PYROXD1: variants seen among roughly 807,000 people sequenced by gnomAD.
PYROXD1 encodes the protein tRNA ligase complex-associated NAD(P)H dehydrogenase PYROXD1.
Under a neutral mutation model 62.0 loss-of-function variants are expected in PYROXD1, and 42 were observed. That is an observed-to-expected ratio of 0.68 (90% confidence interval 0.53 to 0.88). The LOEUF is 0.88. PYROXD1 is among the 40% of genes least tolerant of loss of function. The pLI, the probability that PYROXD1 is intolerant of heterozygous loss-of-function variation, is 0.00. For missense variants in PYROXD1, 493 were observed against 604.8 expected (o/e 0.82, Z 1.94); for synonymous variants, 170 against 206.4 (o/e 0.82, Z 1.51).
chr12:21,454,244 T>G (rs1942555004), intron 5 of PYROXD1, among the ~76,000 whole-genome samples: 1 of 152,054 alleles, frequency 6.6e-6, no homozygotes, highest in Non-Finnish European at 1.5e-5. Context: ...TAAAGAAATG[T>G]GAAAAATTAA....
chr12:21,438,836 C>T (rs1754467379), intron 1 of PYROXD1, among the ~76,000 whole-genome samples: 1 of 152,050 alleles, frequency 6.6e-6, no homozygotes, highest in African/African-American at 2.4e-5. Context: ...ATATATGATG[C>T]AGGCACCGTA....
At position 21,440,460 on chromosome 12, in the gene PYROXD1, T is replaced by G; in HGVS notation, c.165+12T>G. On this transcript the variant is annotated intron_variant, in intron 2 of 11. Transcript: ENST00000240651. ...CAAATTTCAAGCAGGTAAGAACCTT[T>G]GTATAACTTGTTAATATTAATTTGA... 2 of 1,467,286 alleles carry G rather than the reference T, an allele frequency of 1.4e-6. No homozygotes were observed. The highest frequency in any genetic ancestry group is 1.9e-6 in the Non-Finnish European group (2 of 1,063,564). 90.9% of individuals were successfully genotyped at this position (1,467,286 alleles called of 1,614,324 possible). A position where few individuals can be genotyped will look rare whatever the true frequency, so the allele number is the denominator to read the frequency against.
At chr12:21,461,825 C>T (rs1476585255) in intron 8 of PYROXD1, among the ~76,000 whole-genome samples, 183 bp from the exon 9 acceptor site, 1 of 152,204 alleles carries the variant, frequency 6.6e-6, no homozygotes, top group Non-Finnish European at 1.5e-5. Flanking sequence ...CGAGATGATG[C>T]TAATTGCATT....
rs764180565 is a variant in PYROXD1 at position 21,462,097 on chromosome 12, G to C, written c.970G>C (p.Glu324Gln). Residue 324 changes from glutamate to glutamine, a missense_variant, in exon 9 of 12, where the codon GAA becomes CAA. Physicochemically the swap from Glu to Gln is conservative, Grantham distance 29 (BLOSUM62 2). Coordinates refer to ENST00000240651, the MANE Select transcript of PYROXD1 (RefSeq NM_024854.5). ...VSATGVTPNV[E>Q]PFLHGNSFDL... ...TGCTACAGGAGTTACACCAAATGTA[G>C]AACCTTTTCTCCATGGTAACAGTGT... 1 of 1,610,850 alleles carries C rather than the reference G, an allele frequency of 6.2e-7. No individual in the cohort carries two copies. Among genetic ancestry groups the C allele is most frequent in the South Asian group, 1.1e-5 (1 of 90,890 alleles).
intron 9 of PYROXD1, 75 bp downstream of exon 9, chr12:21,462,195 G>A (rs896887843): frequency 2.5e-6 from 2 of 794,698 alleles, no homozygotes; most frequent in Non-Finnish European, 4.3e-6. Context: ...TCTCAAACAT[G>A]AATAATTATT....
chr12:21,447,981 T>TAAA (rs34838731), intron 3 of PYROXD1: 168 of 274,726 alleles, frequency 6.1e-4, no homozygotes, highest in South Asian at 1.2e-3. Context: ...AGACTCCATC[T>TAAA]AAAAAAAAAA....
intron 3 of PYROXD1, among the ~76,000 whole-genome samples, chr12:21,449,099 G>T (rs1004039551): frequency 6.6e-5 from 10 of 152,056 alleles, no homozygotes; most frequent in Non-Finnish European, 1.5e-4. Flanking sequence ...ATGAAGGTAG[G>T]ATATGGTTAG....
Position 21,437,696 on chromosome 12 carries a change from C to G in PYROXD1, c.-35C>G, listed in dbSNP as rs1350485754. ...GGAGTCCAGAGTCCCGTTGCTCCGC[C>G]GCGATATTCAGTAAACCACTGGGAG... On this transcript the variant is annotated 5_prime_UTR_variant, in exon 1 of 12. Coordinates refer to ENST00000240651, the MANE Select transcript of PYROXD1 (RefSeq NM_024854.5). The G allele has an allele frequency of 1.9e-6, 3 of 1,590,282 alleles. No homozygotes were observed. The highest frequency in any genetic ancestry group is 2.6e-6 in the Non-Finnish European group (3 of 1,167,670).
intron 2 of PYROXD1, among the ~76,000 whole-genome samples, chr12:21,444,854 T>A (rs961872895): frequency 3.3e-5 from 5 of 152,132 alleles, no homozygotes; most frequent in South Asian, 2.1e-4. Flanking sequence ...CAGTTTAGGA[T>A]AAGAGAGCAA....
intron 5 of PYROXD1, among the ~76,000 whole-genome samples, chr12:21,453,129 G>A (rs6487225): frequency 0.99 from 149,967 of 152,172 alleles, 73,949 homozygotes; most frequent in East Asian, 1. Flanking sequence ...CTTGTGTATA[G>A]TATATACATG....
intron 2 of PYROXD1, among the ~76,000 whole-genome samples, chr12:21,441,920 A>T (rs12423381): frequency 0.38 from 58,184 of 152,094 alleles, 11,388 homozygotes; most frequent in Middle Eastern, 0.48. Flanking sequence ...GCTAGATGGG[A>T]TGTAGCAGTT....
In PYROXD1 at chr12:21,471,119, C is replaced by A; in HGVS notation, c.*2365C>A. On this transcript the variant is annotated 3_prime_UTR_variant, in exon 12 of 12. Transcript: ENST00000240651. ...CTTCTCTGCAGAAAATAAAGGCCAA[C>A]AATAAGAAAGCTTTTGAAGGAATCA... is the stretch of plus-strand genomic sequence containing the variant. The A allele has an allele frequency of 6.5e-7, 1 of 1,546,242 alleles. No homozygotes were observed. The highest frequency in any genetic ancestry group is 8.6e-7 in the Non-Finnish European group (1 of 1,156,242).
intron 7 of PYROXD1, among the ~76,000 whole-genome samples, chr12:21,458,547 A>C (rs954364218): frequency 1.3e-5 from 2 of 152,214 alleles, no homozygotes; most frequent in African/African-American, 2.4e-5. Context: ...TGCCTTCCTC[A>C]ATAACCCTAA....
At chr12:21,449,745 T>G in intron 4 of PYROXD1, 54 bp downstream of exon 4, 1 of 1,485,958 alleles carries the variant, frequency 6.7e-7, no homozygotes, top group Non-Finnish European at 9.1e-7. Context: ...TTTCTACATT[T>G]GAATTAAAGT....
rs3759229 is a variant in PYROXD1, at chr12:21,452,223, A to C, written c.488+69A>C. The C allele has an allele frequency of 0.48, 484,672 of 1,010,674 alleles. 118,344 individuals carry two copies. The highest frequency in any genetic ancestry group is 0.56 in the East Asian group (17,374 of 31,228). The allele number at this position is 1,010,674 out of a possible 1,614,324, so 62.6% of individuals were successfully genotyped here. ...AAATAATTTGTTTTTAAATTAAACA[A>C]TTGCTTTGTGATTCTTGTGATTTGT... On this transcript the variant is annotated intron_variant, in intron 5 of 11. Coordinates refer to ENST00000240651, the MANE Select transcript of PYROXD1 (RefSeq NM_024854.5).
intron 1 of PYROXD1, 74 bp downstream of exon 1, chr12:21,437,888 C>T (rs1356422947): frequency 2.3e-6 from 3 of 1,304,022 alleles, no homozygotes; most frequent in Non-Finnish European, 3.2e-6. Flanking sequence ...CTTCCTCCCA[C>T]CCCCTCCCTT....
At chr12:21,447,630 C>A in intron 3 of PYROXD1, 1 of 171,718 alleles carries the variant, frequency 5.8e-6, no homozygotes, top group South Asian at 1.7e-4. Context: ...AGTGCTATTT[C>A]AGGTGCAGTT....
intron 1 of PYROXD1, among the ~76,000 whole-genome samples, chr12:21,439,376 A>G (rs1231685583): frequency 6.6e-6 from 1 of 152,238 alleles, no homozygotes; most frequent in African/African-American, 2.4e-5. Flanking sequence ...CAATGGAAAC[A>G]GCAGAGATAT....
At chr12:21,445,808 GCATACTA>G (rs1289509209) in intron 3 of PYROXD1, among the ~76,000 whole-genome samples, 2 of 152,104 alleles carry the variant, frequency 1.3e-5, no homozygotes, top group African/African-American at 4.8e-5. Context: ...ATATGAACAT[GCATACTA>G]TAATTATATT....
Sources: allele counts gnomAD v4.1 joint callset (sites outside exome capture counted in the v4.1 genomes callset), GRCh38; gene constraint gnomAD v4.1.1; transcripts MANE v1.5; gene names NCBI Gene and HGNC (gene_info 2026-07-23, HGNC 2026-07-21).